The following TMEM117 variants were observed in gnomAD, a reference collection of about 807,000 sequenced individuals.
The protein encoded by TMEM117 is transmembrane protein 117.
In TMEM117, 27 loss-of-function variants were observed where a neutral mutation model predicts 52.4. The ratio of observed to expected loss-of-function variants is 0.51; its 90% confidence interval spans 0.38 to 0.71. The LOEUF (loss-of-function observed/expected upper bound fraction) is 0.71, where lower values mean the gene tolerates loss of function less well. Among genes scored for constraint, TMEM117 ranks in the 30% least tolerant of loss-of-function variants. TMEM117 has a pLI of 0.00. For synonymous variants in TMEM117, 215 were observed against 206.3 expected, an observed-to-expected ratio of 1.04 and a Z score of -0.36; for missense variants, 556 against 630.5, an observed-to-expected ratio of 0.88 and a Z score of 1.26.
chr12:43,895,798 T>G (rs1308389428), intron 2 of TMEM117, among the ~76,000 whole-genome samples: 2 of 152,258 alleles, frequency 1.3e-5, no homozygotes, highest in African/African-American at 4.8e-5. Flanking sequence ...TAGTTTATGT[T>G]AAGGCCCTTC....
intron 2 of TMEM117, among the ~76,000 whole-genome samples, chr12:43,920,130 A>C (rs2137553557): frequency 6.6e-6 from 1 of 152,240 alleles, no homozygotes; most frequent in African/African-American, 2.4e-5. Context: ...GAAACACTGA[A>C]GTTGCTCTCT....
At chr12:44,242,819 G>T (rs1950080138) in intron 5 of TMEM117, among the ~76,000 whole-genome samples, 1 of 150,890 alleles carries the variant, frequency 6.6e-6, no homozygotes, top group Non-Finnish European at 1.5e-5. Flanking sequence ...TTCATTTTTA[G>T]CTCTTTGAGG....
chr12:43,979,158 G>A (rs1945719566), intron 3 of TMEM117, among the ~76,000 whole-genome samples: 1 of 151,854 alleles, frequency 6.6e-6, no homozygotes, highest in Admixed American at 6.6e-5. Context: ...ATCATTTAAG[G>A]TGTGTAAGTT....
In TMEM117 at chr12:44,197,219, A is replaced by C. The variant is rs1020185903; in HGVS notation, c.511-14071A>C. 2.0e-5 allele frequency among the ~76,000 whole-genome samples: 3 copies of C among 152,128 alleles called. No individual in the cohort carries two copies. The East Asian group carries it at 5.8e-4, about 29-fold the overall frequency. ...AAATATTTGCTTTTTTGTGTGTTCC[A>C]AGGGCTCCTTTGTGGATAATATTTT... On this transcript the variant is annotated intron_variant, in intron 4 of 7. Coordinates refer to ENST00000266534, the MANE Select transcript of TMEM117 (RefSeq NM_032256.3).
chr12:44,264,443 A>G (rs955348966), intron 5 of TMEM117, among the ~76,000 whole-genome samples: 24 of 152,126 alleles, frequency 1.6e-4, no homozygotes, highest in African/African-American at 5.3e-4. Flanking sequence ...AGGACACTGG[A>G]GCCAGTGTTT....
In TMEM117 at chr12:43,944,222, G is replaced by T. The variant is rs752235259; in HGVS notation, c.290G>T (p.Arg97Leu). ...FHQRLFGQLL[R>L]LKMFREDHGS... ...ATTTGTATTTCAGGTCAGTTGCTCC[G>T]ATTAAAAATGTTTCGAGAAGATCAT... Residue 97 changes from arginine (R) to leucine (L), a missense_variant, in exon 3 of 8, where the codon CGA becomes CTA. This residue lies in a region of TMEM117 where 328 missense variants were observed against 371.4 expected (regional missense o/e 0.88). Transcript: ENST00000266534. 1 of 1,610,942 alleles carries T rather than the reference G, an allele frequency of 6.2e-7. No homozygotes were observed. Among genetic ancestry groups the T allele is most frequent in the South Asian group, 1.1e-5 (1 of 90,020 alleles).
chr12:44,174,224 G>T (rs1462126317), intron 4 of TMEM117, among the ~76,000 whole-genome samples: 1 of 152,016 alleles, frequency 6.6e-6, no homozygotes, highest in East Asian at 1.9e-4. Context: ...AGAGATCAGA[G>T]AACTATGACC....
At chr12:43,815,952 A>T in the TMEM117 span, among the ~76,000 whole-genome samples, 1 of 152,172 alleles carries the variant, frequency 6.6e-6, no homozygotes, top group Non-Finnish European at 1.5e-5. Flanking sequence ...AGGGCTTCAA[A>T]TTTTTTGCGT....
At chr12:44,360,877 T>C (rs1034532138) in intron 6 of TMEM117, among the ~76,000 whole-genome samples, 3 of 152,162 alleles carry the variant, frequency 2.0e-5, no homozygotes, top group African/African-American at 4.8e-5. Context: ...ATGTTGCAAA[T>C]TGACTGAAGT....
intron 6 of TMEM117, among the ~76,000 whole-genome samples, chr12:44,337,212 G>C (rs547789265): frequency 3.2e-4 from 48 of 152,060 alleles, no homozygotes; most frequent in African/African-American, 1.2e-3. Context: ...ATCCAGTGAG[G>C]GCTGCTCTCT....
At chr12:43,888,770 G>C (rs1385124199) in intron 2 of TMEM117, among the ~76,000 whole-genome samples, 7 of 151,944 alleles carry the variant, frequency 4.6e-5, no homozygotes, top group Admixed American at 3.9e-4. Context: ...GGATGGTCTC[G>C]ATCTCCTGAC....
At chr12:44,365,840 T>C (rs1951782774) in intron 6 of TMEM117, among the ~76,000 whole-genome samples, 2 of 152,008 alleles carry the variant, frequency 1.3e-5, no homozygotes, top group African/African-American at 4.8e-5. Context: ...TGTGCCATGT[T>C]GGTGTGCTGT....
chr12:44,073,948 G>A (rs1947342282), intron 3 of TMEM117: 1 of 152,096 alleles, frequency 6.6e-6, no homozygotes, highest in South Asian at 2.1e-4. Context: ...GAGCCATTTT[G>A]GAAAGGAAAA....
chr12:44,005,428 T>C (rs577677789), intron 3 of TMEM117, among the ~76,000 whole-genome samples: 1 of 152,344 alleles, frequency 6.6e-6, no homozygotes, highest in Admixed American at 6.5e-5. Context: ...TCATAACAGA[T>C]AGTCACATTG....
chr12:44,215,729 T>TAAA lies in TMEM117; in HGVS notation c.608+4352_608+4354dup, dbSNP rs767284602. Among the ~76,000 whole-genome samples, 1,027 of 147,126 alleles carry TAAA rather than the reference T, an allele frequency of 7.0e-3. 14 individuals are homozygous for TAAA. The highest frequency in any genetic ancestry group is 0.024 in the African/African-American group (982 of 40,774). On this transcript the variant is annotated intron_variant, in intron 5 of 7. Transcript: ENST00000266534. ...TATTTCCCAAAGCCTTAGCTTTTTT[T>TAAA]AAAAAAAAAAAAGACAAAATAGACT...
intron 4 of TMEM117, among the ~76,000 whole-genome samples, chr12:44,152,963 A>C (rs1948775994): frequency 6.6e-6 from 1 of 150,716 alleles, no homozygotes; most frequent in African/African-American, 2.4e-5. Flanking sequence ...ATACACACAC[A>C]CATATTTTAG....
intron 6 of TMEM117, among the ~76,000 whole-genome samples, chr12:44,310,856 C>CT (rs1950965520): frequency 6.6e-6 from 1 of 152,092 alleles, no homozygotes; most frequent in Admixed American, 6.5e-5. Context: ...CCTCTTACAT[C>CT]TAGTAGTATG....
chr12:43,972,739 A>G (rs1384164448), intron 3 of TMEM117, among the ~76,000 whole-genome samples: 3 of 152,104 alleles, frequency 2.0e-5, no homozygotes, highest in African/African-American at 4.8e-5. Context: ...CAGAGCGCTG[A>G]TGGCTGTGTT....
chr12:44,384,812 G>C (rs7955106), intron 7 of TMEM117, among the ~76,000 whole-genome samples: 8,702 of 152,172 alleles, frequency 0.057, 264 homozygotes, highest in African/African-American at 0.077. Context: ...GATTGAAGAA[G>C]TAGAGAAATA....
Sources: gnomAD v4.1 joint callset for allele counts (sites outside exome capture counted in the v4.1 genomes callset) on GRCh38, gnomAD v4.1.1 for gene constraint, gnomAD v4.1.1 regional missense constraint, MANE v1.5 for transcripts, NCBI Gene and HGNC (gene_info 2026-07-23, HGNC 2026-07-21) for gene names.